PCCA: variants seen among roughly 807,000 people sequenced by gnomAD.
PCCA encodes propionyl-CoA carboxylase subunit alpha.
In PCCA, 74 loss-of-function variants were observed where a neutral mutation model predicts 101.3. The observed-to-expected ratio is 0.73, with a 90% CI of 0.61 to 0.89. The LOEUF (loss-of-function observed/expected upper bound fraction) is 0.89, where lower values mean the gene tolerates loss of function less well. Ranked by LOEUF, PCCA falls within the 40% of genes least tolerant of loss-of-function variation. The pLI is 0.00. For missense variants in PCCA, 891 were observed against 907.0 expected, an observed-to-expected ratio of 0.98 and a Z score of 0.23; for synonymous variants, 294 against 313.6, an observed-to-expected ratio of 0.94 and a Z score of 0.66.
chr13:100,411,609 G>A (rs1039278186), intron 19 of PCCA, among the ~76,000 whole-genome samples: 1 of 152,156 alleles, frequency 6.6e-6, no homozygotes, highest in African/African-American at 2.4e-5. Flanking sequence ...AGAATGGGTG[G>A]CTTAAACAAC....
chr13:100,524,271 G>A (rs1423069559), intron 22 of PCCA, among the ~76,000 whole-genome samples: 1 of 152,146 alleles, frequency 6.6e-6, no homozygotes, highest in African/African-American at 2.4e-5. Flanking sequence ...TGGGGCAGGT[G>A]TAGTTTGTGT....
intron 19 of PCCA, among the ~76,000 whole-genome samples, chr13:100,416,064 G>A (rs1022346743): frequency 1.3e-4 from 20 of 152,246 alleles, no homozygotes; most frequent in African/African-American, 4.8e-4. Flanking sequence ...AACAACTCAT[G>A]GAAAATGTTC....
In PCCA at chr13:100,307,195, C is replaced by G. The variant is rs776821944; in HGVS notation, c.1288C>G (p.Arg430Gly). The stretch of plus-strand genomic sequence containing the variant: ...TTTTTTTCTTTTTTTCTCCCAGGTC[C>G]GAGTGGACAGTGGCATCCAACCAGG... Reference protein sequence around the residue: ...YQEPLHLPGVRVDSGIQPGSD... With the variant: ...YQEPLHLPGVGVDSGIQPGSD... Residue 430 changes from arginine (R) to glycine (G), a missense_variant, in exon 15 of 24, where the codon CGA becomes GGA. Physicochemically the swap from Arg to Gly is moderately radical, Grantham distance 125. Transcript: ENST00000376285. 23 of 1,607,988 alleles carry G rather than the reference C, an allele frequency of 1.4e-5. No individual in the cohort carries two copies. The highest frequency in any genetic ancestry group is 1.7e-5 in the Non-Finnish European group (20 of 1,175,726).
chr13:100,387,343 A>G (rs1595706368), intron 19 of PCCA, among the ~76,000 whole-genome samples: 1 of 152,194 alleles, frequency 6.6e-6, no homozygotes, highest in East Asian at 1.9e-4. Flanking sequence ...GATTACTGTG[A>G]ATGTAGAATA....
At chr13:100,348,807 CCTTCCTTCCTTT>C (rs1365170263) in intron 18 of PCCA, among the ~76,000 whole-genome samples, 15 of 111,290 alleles carry the variant, frequency 1.3e-4, no homozygotes, top group African/African-American at 5.4e-4. Context: ...TTCCTTCCTT[CCTTCCTTCCTTT>C]CTTTCTTTTC....
At chr13:100,179,374 G>A in intron 6 of PCCA, among the ~76,000 whole-genome samples, 1 of 151,850 alleles carries the variant, frequency 6.6e-6, no homozygotes, top group African/African-American at 2.4e-5. Flanking sequence ...GCATTTTACT[G>A]GAAAAAAAAG....
intron 6 of PCCA, among the ~76,000 whole-genome samples, chr13:100,177,537 T>C (rs1435320301): frequency 2.0e-5 from 3 of 152,218 alleles, no homozygotes; most frequent in Non-Finnish European, 4.4e-5. Context: ...GAAAAAAATC[T>C]AAACGTGAGC....
In PCCA at chr13:100,246,902, GTT is replaced by G. The variant is rs34860703; in HGVS notation, c.638-10677_638-10676del. Among the ~76,000 whole-genome samples, 318 of 134,924 alleles carry G rather than the reference GTT, an allele frequency of 2.4e-3. 4 individuals carry two copies. In the South Asian group the frequency reaches 0.025, roughly 11 times the overall value. 88.5% of individuals were successfully genotyped at this position (134,924 alleles called of 152,430 possible). Reference sequence around the variant, plus strand: ...TTGGGATATTCAAAACTTCTAGTGAGTTTTTTTTTTTTTTTTTAATTAAGACA... The same window carrying G: ...TTGGGATATTCAAAACTTCTAGTGAGTTTTTTTTTTTTTTTAATTAAGACA... On this transcript the variant is annotated intron_variant, in intron 8 of 23. Coordinates refer to ENST00000376285, the MANE Select transcript of PCCA (RefSeq NM_000282.4).
chr13:100,292,971 G>GTGTC (rs1490709475), intron 12 of PCCA, among the ~76,000 whole-genome samples: 1 of 147,112 alleles, frequency 6.8e-6, no homozygotes, highest in African/African-American at 2.5e-5. Flanking sequence ...CTGTTTGTGT[G>GTGTC]TGTGTAATTA....
At chr13:100,113,182 C>G (rs531410978) in intron 4 of PCCA, among the ~76,000 whole-genome samples, 32 of 152,268 alleles carry the variant, frequency 2.1e-4, no homozygotes, top group African/African-American at 7.7e-4. Flanking sequence ...ATAGTATAGC[C>G]TATTCCTCCT....
chr13:100,488,482 A>C (rs1220091838), intron 21 of PCCA, among the ~76,000 whole-genome samples: 2 of 152,180 alleles, frequency 1.3e-5, no homozygotes, highest in African/African-American at 4.8e-5. Flanking sequence ...AGCATTTTAA[A>C]GTTAGTGGAG....
chr13:100,222,037 G>A (rs1315348182), intron 7 of PCCA, among the ~76,000 whole-genome samples: 2 of 151,622 alleles, frequency 1.3e-5, no homozygotes, highest in Admixed American at 6.6e-5. Context: ...GAGCCACTGC[G>A]CCTGGTGGAA....
intron 18 of PCCA, among the ~76,000 whole-genome samples, chr13:100,351,961 G>C (rs992346849): frequency 6.6e-6 from 1 of 152,140 alleles, no homozygotes; most frequent in African/African-American, 2.4e-5. Flanking sequence ...TTGCTTGGAA[G>C]CATGGTTCAA....
chr13:100,124,721 G>C (rs1274470288), intron 4 of PCCA, among the ~76,000 whole-genome samples: 1 of 152,022 alleles, frequency 6.6e-6, no homozygotes, highest in Non-Finnish European at 1.5e-5. Flanking sequence ...TGCAGACTAA[G>C]GTATAAAAGA....
chr13:100,153,627 G>A (rs992879540), intron 4 of PCCA, among the ~76,000 whole-genome samples: 1 of 152,068 alleles, frequency 6.6e-6, no homozygotes, highest in Non-Finnish European at 1.5e-5. Flanking sequence ...ATAGAGGAGG[G>A]GGCATCCTGG....
chr13:100,163,132 G>T (rs1036563520), intron 6 of PCCA, among the ~76,000 whole-genome samples: 1 of 152,188 alleles, frequency 6.6e-6, no homozygotes, highest in Non-Finnish European at 1.5e-5. Flanking sequence ...ATGTAGATAG[G>T]TCAGATACTT....
In PCCA at chr13:100,346,271, A is replaced by C. The variant is rs562926099; in HGVS notation, c.1643+6012A>C. Among the ~76,000 whole-genome samples the C allele has an allele frequency of 2.0e-5, 3 of 152,246 alleles. No homozygotes were observed. The South Asian group carries it at 6.2e-4, about 31-fold the overall frequency. The stretch of plus-strand genomic sequence containing the variant: ...GGATTCACCATTCTAGATCCCCTTA[A>C]GAACATTTGTGCTTCAATGGGCAAA... On this transcript the variant is annotated intron_variant, in intron 18 of 23. Coordinates refer to ENST00000376285, the MANE Select transcript of PCCA (RefSeq NM_000282.4).
intron 6 of PCCA, among the ~76,000 whole-genome samples, chr13:100,188,333 A>AAAAAC (rs2057474950): frequency 6.7e-6 from 1 of 148,670 alleles, no homozygotes; most frequent in African/African-American, 2.5e-5. Flanking sequence ...ACAAAAACAC[A>AAAAAC]AAGAAAGAAA....
At chr13:100,396,394 G>A (rs1012650933) in intron 19 of PCCA, among the ~76,000 whole-genome samples, 4 of 152,204 alleles carry the variant, frequency 2.6e-5, no homozygotes, top group African/African-American at 7.2e-5. Flanking sequence ...CTCTAGTACA[G>A]TGGCTGATGT....
Sources: allele counts gnomAD v4.1 joint callset (sites outside exome capture counted in the v4.1 genomes callset), GRCh38; gene constraint gnomAD v4.1.1; transcripts MANE v1.5; gene names NCBI Gene and HGNC (gene_info 2026-07-23, HGNC 2026-07-21).